Variants in TMEM67 observed in about 807,000 individuals in gnomAD.
TMEM67 encodes the protein transmembrane protein 67.
In TMEM67, 124 loss-of-function variants were observed where a neutral mutation model predicts 136.6. That is an observed-to-expected ratio of 0.91 (90% CI 0.78 to 1.05). TMEM67 has a LOEUF of 1.05. Ranked by LOEUF, TMEM67 falls within the 50% of genes least tolerant of loss-of-function variation. The pLI, the probability that TMEM67 is intolerant of heterozygous loss-of-function variation, is 0.00. For missense variants in TMEM67, 1,107 were observed against 1,178.4 expected, an observed-to-expected ratio of 0.94 and a Z score of 0.89; for synonymous variants, 364 against 390.5, an observed-to-expected ratio of 0.93 and a Z score of 0.80.
chr8:93,762,020 C>T (rs971321477), intron 3 of TMEM67: 5 of 152,040 alleles, frequency 3.3e-5, no homozygotes, highest in Admixed American at 6.6e-5. Context: ...TTTGGGAAGC[C>T]GAGGTGGGTG....
chr8:93,809,912 A>C, intron 26 of TMEM67, 25 bp downstream of exon 26: 14 of 1,394,704 alleles, frequency 1.0e-5, no homozygotes, highest in Non-Finnish European at 1.4e-5. Context: ...CCTTTGTAGA[A>C]CTTGATAACT....
chr8:93,813,450 A>T (rs1382840128), intron 26 of TMEM67, among the ~76,000 whole-genome samples: 2 of 152,190 alleles, frequency 1.3e-5, no homozygotes, highest in Non-Finnish European at 2.9e-5. Flanking sequence ...AAGTGCTGGG[A>T]TTACAGGTGT....
intron 26 of TMEM67, among the ~76,000 whole-genome samples, chr8:93,812,477 G>A (rs1390084547): frequency 3.9e-5 from 6 of 152,168 alleles, no homozygotes; most frequent in Non-Finnish European, 5.9e-5. Context: ...GCAAGACCCT[G>A]TCTCTGTAAA....
chr8:93,818,040 A>G lies in TMEM67; in HGVS notation c.*1588A>G, dbSNP rs2130806430. 1 of 152,364 alleles carries G rather than the reference A, an allele frequency of 6.6e-6. No homozygotes were observed. The highest frequency in any genetic ancestry group is 2.4e-5 in the African/African-American group (1 of 41,594). The allele number at this position is 152,364 out of a possible 1,614,324, so 9.4% of individuals were successfully genotyped here. A position where few individuals can be genotyped will look rare whatever the true frequency, so the allele number is the denominator to read the frequency against. On this transcript the variant is annotated 3_prime_UTR_variant, in exon 28 of 28. Coordinates refer to ENST00000453321, the MANE Select transcript of TMEM67 (RefSeq NM_153704.6). ...GGCTTACTTGCTGATAAATTAAAAC[A>G]GAAAACATTTAAAATCATTCTAAAT...
At chr8:93,756,171 TAGAG>T in intron 2 of TMEM67, 1 of 268,126 alleles carries the variant, frequency 3.7e-6, no homozygotes, top group East Asian at 9.7e-5. Flanking sequence ...AAGGCATATA[TAGAG>T]CAGTCTGGGA....
In TMEM67 at chr8:93,809,018, A is replaced by T. The variant is rs762399798; in HGVS notation, c.2557-39A>T. The T allele has an allele frequency of 2.0e-6, 3 of 1,532,844 alleles. No homozygotes were observed. In the East Asian group the frequency reaches 6.8e-5, roughly 35 times the overall value. The allele number at this position is 1,532,844 out of a possible 1,614,324, so 95.0% of individuals were successfully genotyped here. A position where few individuals can be genotyped will look rare whatever the true frequency, so the allele number is the denominator to read the frequency against. On this transcript the variant is annotated intron_variant, in intron 24 of 27. Coordinates refer to ENST00000453321, the MANE Select transcript of TMEM67 (RefSeq NM_153704.6). ...TATTTCATGTTTTTTAGATACCAAG[A>T]ACATAACACTTTGTATTCATTTCTC...
chr8:93,818,414 T>C (rs1455996007), downstream of TMEM67, among the ~76,000 whole-genome samples: 1 of 152,256 alleles, frequency 6.6e-6, no homozygotes, highest in African/African-American at 2.4e-5. Flanking sequence ...ATGGGAGATT[T>C]GTAAATGCTT....
chr8:93,831,702 T>G, the TMEM67 span, among the ~76,000 whole-genome samples: 2 of 149,876 alleles, frequency 1.3e-5, no homozygotes, highest in African/African-American at 4.9e-5. Context: ...GTGTGTGTGT[T>G]TGTGCTTGTG....
intron 6 of TMEM67, among the ~76,000 whole-genome samples, chr8:93,772,023 C>A (rs755187816): frequency 6.6e-6 from 1 of 152,048 alleles, no homozygotes; most frequent in Non-Finnish European, 1.5e-5. Flanking sequence ...TGTTTTTTAG[C>A]CAGAGGTTTG....
At position 93,816,433 on chromosome 8, in the gene TMEM67, A is replaced by T. The variant is rs1342554739; in HGVS notation, c.2969A>T (p.Asp990Val). 1 of 1,595,914 alleles carries T rather than the reference A, an allele frequency of 6.3e-7. No individual in the cohort carries two copies. Among genetic ancestry groups the T allele is most frequent in the African/African-American group, 1.3e-5 (1 of 74,584 alleles). Residue 990 changes from aspartate to valine, a missense_variant, in exon 28 of 28, where the codon GAT becomes GTT. Physicochemically the swap from Asp to Val is radical, Grantham distance 152. Transcript: ENST00000453321. ...AATTTGGCATCCAAAACATTGGTGGATCAAAGATTTTTGATTTAACTTCCT... is the reference window on the plus strand; with the variant it reads ...AATTTGGCATCCAAAACATTGGTGGTTCAAAGATTTTTGATTTAACTTCCT... ...QKNLASKTLV[D>V]QRFLI is the part of the protein sequence containing the mutation.
At chr8:93,809,549 A>G (rs563447739) in intron 25 of TMEM67, among the ~76,000 whole-genome samples, 317 of 152,312 alleles carry the variant, frequency 2.1e-3, no homozygotes, top group African/African-American at 7.3e-3. Context: ...AAAGCATTTT[A>G]TAAATTGATT....
chr8:93,763,791 C>A, intron 3 of TMEM67, 51 bp from the exon 4 acceptor site: 1 of 1,212,788 alleles, frequency 8.2e-7, no homozygotes, highest in Non-Finnish European at 1.2e-6. Flanking sequence ...TATGTAGAAG[C>A]TTATATGTTT....
chr8:93,755,240 G>C, intron 1 of TMEM67, 103 bp downstream of exon 1: 1 of 1,184,238 alleles, frequency 8.4e-7, no homozygotes, highest in Non-Finnish European at 1.2e-6. Flanking sequence ...GGCTAGTCTC[G>C]AACTTCTGAC....
At chr8:93,772,959 T>C (rs1210534134) in intron 7 of TMEM67, among the ~76,000 whole-genome samples, 1 of 152,134 alleles carries the variant, frequency 6.6e-6, no homozygotes, top group East Asian at 1.9e-4. Flanking sequence ...AGGTTAGATA[T>C]TTCAGAAAAA....
intron 7 of TMEM67, among the ~76,000 whole-genome samples, chr8:93,773,401 T>A (rs1813407334): frequency 6.6e-6 from 1 of 152,158 alleles, no homozygotes; most frequent in Non-Finnish European, 1.5e-5. Context: ...ATGATAGAAC[T>A]TCAGTTCTTG....
chr8:93,830,727 G>C, the TMEM67 span, among the ~76,000 whole-genome samples: 1 of 152,216 alleles, frequency 6.6e-6, no homozygotes, highest in African/African-American at 2.4e-5. Flanking sequence ...GTTCACCCAG[G>C]AGCTTCTTGT....
At chr8:93,781,388 CCA>C (rs1244954608) in intron 9 of TMEM67, among the ~76,000 whole-genome samples, 1 of 152,176 alleles carries the variant, frequency 6.6e-6, no homozygotes, top group Non-Finnish European at 1.5e-5. Flanking sequence ...TACTATTCTC[CCA>C]CACTGCCTCC....
At chr8:93,814,838 G>C (rs1045582916) in intron 26 of TMEM67, among the ~76,000 whole-genome samples, 1 of 152,008 alleles carries the variant, frequency 6.6e-6, no homozygotes, top group Non-Finnish European at 1.5e-5. Context: ...GATGAAACTC[G>C]CTGGTGGAGT....
chr8:93,826,859 C>T, the TMEM67 span, among the ~76,000 whole-genome samples: 2 of 152,066 alleles, frequency 1.3e-5, no homozygotes, highest in East Asian at 1.9e-4. Context: ...GATAGAGTCT[C>T]GCTTTTGTCG....
Sources: gnomAD v4.1 joint callset for allele counts (sites outside exome capture counted in the v4.1 genomes callset) on GRCh38, gnomAD v4.1.1 for gene constraint, MANE v1.5 for transcripts, NCBI Gene and HGNC (gene_info 2026-07-23, HGNC 2026-07-21) for gene names.